The following TBC1D5 variants were observed in gnomAD, a reference collection of about 807,000 sequenced individuals.
The protein encoded by TBC1D5 is TBC1 domain family, member 5.
Under a neutral mutation model 100.3 loss-of-function variants are expected in TBC1D5, and 75 were observed. The observed-to-expected ratio is 0.75, with a 90% CI of 0.62 to 0.91. TBC1D5 has a LOEUF of 0.91. Among genes scored for constraint, TBC1D5 ranks in the 40% least tolerant of loss-of-function variants. The pLI, the probability that TBC1D5 is intolerant of heterozygous loss-of-function variation, is 0.00. For missense variants in TBC1D5, 910 were observed against 942.4 expected (o/e 0.97, Z 0.45); for synonymous variants, 323 against 325.6 (o/e 0.99, Z 0.09).
intron 14 of TBC1D5, among the ~76,000 whole-genome samples, chr3:17,303,121 C>T (rs1378795567): frequency 6.6e-6 from 1 of 152,186 alleles, no homozygotes; most frequent in African/African-American, 2.4e-5. Context: ...TGCTGCTCCC[C>T]TCTATCTCAA....
At chr3:17,449,322 G>A (rs2094870608) in intron 3 of TBC1D5, among the ~76,000 whole-genome samples, 2 of 152,226 alleles carry the variant, frequency 1.3e-5, no homozygotes, top group African/African-American at 2.4e-5. Flanking sequence ...ATTTGGGGCA[G>A]ACACCAAGCT....
intron 2 of TBC1D5, among the ~76,000 whole-genome samples, chr3:17,572,511 A>T (rs568061654): frequency 6.6e-6 from 1 of 152,116 alleles, no homozygotes; most frequent in East Asian, 1.9e-4. Flanking sequence ...CAAGAACAAC[A>T]AACCTCTGCT....
chr3:17,402,235 G>T (rs2093666973), intron 8 of TBC1D5, among the ~76,000 whole-genome samples: 2 of 152,062 alleles, frequency 1.3e-5, no homozygotes, highest in South Asian at 2.1e-4. Context: ...AACTTGCAAA[G>T]AAATGAATAT....
chr3:17,373,504 A>G (rs2092568272), intron 12 of TBC1D5, among the ~76,000 whole-genome samples: 1 of 152,146 alleles, frequency 6.6e-6, no homozygotes, highest in African/African-American at 2.4e-5. Context: ...TAACTCAGCA[A>G]TTCCACTTCT....
At chr3:17,509,228 T>C (rs2095875475) in intron 2 of TBC1D5, among the ~76,000 whole-genome samples, 2 of 151,908 alleles carry the variant, frequency 1.3e-5, no homozygotes, top group Admixed American at 6.6e-5. Context: ...TTCTATTATA[T>C]AGTCAGCACA....
intron 2 of TBC1D5, among the ~76,000 whole-genome samples, chr3:17,611,454 G>C (rs2061663337): frequency 6.6e-6 from 1 of 152,084 alleles, no homozygotes; most frequent in Non-Finnish European, 1.5e-5. Flanking sequence ...AGCAGAGAAG[G>C]GAGAACTAAT....
At chr3:17,255,007 A>G (rs2077513512) in intron 16 of TBC1D5, among the ~76,000 whole-genome samples, 1 of 152,198 alleles carries the variant, frequency 6.6e-6, no homozygotes, top group African/African-American at 2.4e-5. Context: ...AAGAGAAAAT[A>G]TTAGTAAGTA....
chr3:17,482,447 ATTCTGGAGC>A (rs1340346553), intron 3 of TBC1D5, among the ~76,000 whole-genome samples: 1 of 152,218 alleles, frequency 6.6e-6, no homozygotes. Flanking sequence ...ATGTTGGCTC[ATTCTGGAGC>A]TTCTTTGTCA....
intron 13 of TBC1D5, among the ~76,000 whole-genome samples, chr3:17,358,182 G>GTTTGTT (rs369884044): frequency 0.03 from 4,555 of 151,250 alleles, 230 homozygotes; most frequent in African/African-American, 0.1. Context: ...TTTTTTGTTT[G>GTTTGTT]TTTGTTTTTG....
At chr3:17,224,169 T>C (rs574504472) in intron 17 of TBC1D5, among the ~76,000 whole-genome samples, 5 of 152,298 alleles carry the variant, frequency 3.3e-5, no homozygotes, top group Non-Finnish European at 7.3e-5. Context: ...TATATTACAA[T>C]GGACAAATTT....
intron 16 of TBC1D5, among the ~76,000 whole-genome samples, chr3:17,249,047 T>G (rs2076974617): frequency 6.6e-6 from 1 of 152,206 alleles, no homozygotes; most frequent in Non-Finnish European, 1.5e-5. Context: ...TCTCTGCCTT[T>G]ACAGAATTGA....
intron 9 of TBC1D5, among the ~76,000 whole-genome samples, chr3:17,382,897 G>C (rs183433311): frequency 4.9e-4 from 75 of 151,918 alleles, no homozygotes; most frequent in Non-Finnish European, 8.0e-4. Context: ...TATCTTTATT[G>C]TTAATTTTTT....
chr3:17,374,450 G>T (rs753115756), intron 12 of TBC1D5, 21 bp downstream of exon 12: 1 of 1,603,344 alleles, frequency 6.2e-7, no homozygotes, highest in Non-Finnish European at 8.5e-7. Flanking sequence ...ATACTGAAAA[G>T]ATCTGTACTA....
In TBC1D5 at chr3:17,185,258, A is replaced by C. The variant is rs752576095; in HGVS notation, c.1753-50T>G. 17 of 1,511,286 alleles carry C rather than the reference A, an allele frequency of 1.1e-5. No individual in the cohort carries two copies. In the South Asian group the frequency reaches 1.8e-4, roughly 16 times the overall value. The allele number at this position is 1,511,286 out of a possible 1,614,324, so 93.6% of individuals were successfully genotyped here. On this transcript the variant is annotated intron_variant, in intron 18 of 21. Coordinates refer to ENST00000253692, the Ensembl canonical transcript of TBC1D5. Reference sequence around the variant, plus strand: ...GAAATTTTTTAGAGATTGTCAAATAAAATCTCCAAAGTTTTCTAAATGATC... The same window carrying C: ...GAAATTTTTTAGAGATTGTCAAATACAATCTCCAAAGTTTTCTAAATGATC...
chr3:17,543,529 T>C (rs1407980258), intron 2 of TBC1D5, among the ~76,000 whole-genome samples: 1 of 151,902 alleles, frequency 6.6e-6, no homozygotes, highest in Non-Finnish European at 1.5e-5. Flanking sequence ...TCCCAGCTAC[T>C]TGGGAGACAA....
chr3:17,620,728 G>A lies in TBC1D5; in HGVS notation c.-36+3121C>T, dbSNP rs541678101. On this transcript the variant is annotated intron_variant, in intron 2 of 21. Coordinates refer to ENST00000253692, the Ensembl canonical transcript of TBC1D5. ...TTTTCTGAGTATACCTTTTTGTACAGTTTTACTTTTTGGAAAAGTAAATAA... is the reference window on the plus strand; with the variant it reads ...TTTTCTGAGTATACCTTTTTGTACAATTTTACTTTTTGGAAAAGTAAATAA... 4.5e-4 allele frequency among the ~76,000 whole-genome samples: 69 copies of A among 152,180 alleles called. 1 individual carries two copies. In the South Asian group the frequency reaches 0.014, roughly 32 times the overall value.
At chr3:17,281,500 C>T (rs558041724) in intron 15 of TBC1D5, among the ~76,000 whole-genome samples, 4 of 152,296 alleles carry the variant, frequency 2.6e-5, no homozygotes, top group South Asian at 2.1e-4. Flanking sequence ...CCCACGCGTA[C>T]GAAGTGGTCA....
At chr3:17,438,482 C>T (rs1405389495) in intron 3 of TBC1D5, among the ~76,000 whole-genome samples, 1 of 152,128 alleles carries the variant, frequency 6.6e-6, no homozygotes, top group African/African-American at 2.4e-5. Flanking sequence ...CTCACGAGAT[C>T]TGATGGTTTT....
At chr3:17,647,457 A>T (rs2065115153) in intron 1 of TBC1D5, among the ~76,000 whole-genome samples, 1 of 151,358 alleles carries the variant, frequency 6.6e-6, no homozygotes, top group South Asian at 2.1e-4. Flanking sequence ...GATTTTATAT[A>T]AGGTGCTCAG....
Sources: allele counts gnomAD v4.1 joint callset (sites outside exome capture counted in the v4.1 genomes callset), GRCh38; gene constraint gnomAD v4.1.1; transcripts MANE v1.5; gene names NCBI Gene and HGNC (gene_info 2026-07-23, HGNC 2026-07-21).